GRIK3: variants seen among roughly 807,000 people sequenced by gnomAD.
GRIK3 encodes the protein glutamate ionotropic receptor kainate type subunit 3.
Under a neutral mutation model 102.5 loss-of-function variants are expected in GRIK3, and 29 were observed. That is an observed-to-expected ratio of 0.28 (90% CI 0.21 to 0.39). The LOEUF (loss-of-function observed/expected upper bound fraction) is 0.39, where lower values mean the gene tolerates loss of function less well. GRIK3 is among the 10% of genes least tolerant of loss of function. GRIK3 has a pLI of 1.00. For synonymous variants in GRIK3, 511 were observed against 504.9 expected, an observed-to-expected ratio of 1.01 and a Z score of -0.16; for missense variants, 908 against 1,252.4, an observed-to-expected ratio of 0.73 and a Z score of 4.15.
chr1:36,845,969 T>C (rs1640515182), intron 9 of GRIK3, among the ~76,000 whole-genome samples: 1 of 152,206 alleles, frequency 6.6e-6, no homozygotes, highest in Admixed American at 6.5e-5. Context: ...AGTATCCAGA[T>C]ACCCGTGTGT....
intron 8 of GRIK3, among the ~76,000 whole-genome samples, 185 bp downstream of exon 8, chr1:36,853,430 A>G (rs1190504719): frequency 6.6e-6 from 1 of 152,086 alleles, no homozygotes; most frequent in Non-Finnish European, 1.5e-5. Flanking sequence ...CTCCAGTCCA[A>G]CCAGGCCTTC....
At chr1:36,817,887 A>G (rs182208669) in intron 12 of GRIK3, among the ~76,000 whole-genome samples, 187 of 152,328 alleles carry the variant, frequency 1.2e-3, no homozygotes, top group Non-Finnish European at 1.9e-3. Flanking sequence ...CAAATACAAG[A>G]TTGCTATGCA....
rs781068542 is a variant in GRIK3 at position 36,853,611 on chromosome 1, G to C, written c.1212+4C>G. ...CCTGCCCTCCCTCTCCTGAGACCACGCACCTTCTCCAGGCCATCCTCTTTC... is the reference window on the plus strand; with the variant it reads ...CCTGCCCTCCCTCTCCTGAGACCACCCACCTTCTCCAGGCCATCCTCTTTC... On this transcript the variant is annotated splice_donor_region_variant and intron_variant, in intron 8 of 15. Transcript: ENST00000373091. 2 of 1,593,520 alleles carry C rather than the reference G, an allele frequency of 1.3e-6. No individual in the cohort carries two copies. The highest frequency in any genetic ancestry group is 1.1e-5 in the South Asian group (1 of 90,696).
chr1:36,964,988 C>A (rs1272645260), intron 1 of GRIK3, among the ~76,000 whole-genome samples: 2 of 152,196 alleles, frequency 1.3e-5, no homozygotes, highest in Non-Finnish European at 2.9e-5. Flanking sequence ...GTTTGTTGAT[C>A]CTCTTAAGGT....
At chr1:36,950,903 C>T (rs536198760) in intron 1 of GRIK3, among the ~76,000 whole-genome samples, 7 of 152,156 alleles carry the variant, frequency 4.6e-5, no homozygotes, top group East Asian at 1.9e-4. Flanking sequence ...CAACGGGGAG[C>T]GGAGGGTCTG....
At chr1:37,020,756 T>C (rs1642701834) in intron 1 of GRIK3, among the ~76,000 whole-genome samples, 1 of 135,704 alleles carries the variant, frequency 7.4e-6, no homozygotes, top group Admixed American at 7.2e-5. Flanking sequence ...AGGAATAGCA[T>C]TTGAAAAAAA....
In GRIK3 at chr1:36,801,969, T is replaced by C; in HGVS notation, c.2642A>G (p.Gln881Arg). ...TCQRRVKHKP[Q>R]PPMMVKTDAV... is the part of the protein sequence containing the mutation. ...GTCAGTCTTGACCATCATGGGAGGCTGAGGCTTGTGCTTGACTCGACGCTG... is the reference window on the plus strand; with the variant it reads ...GTCAGTCTTGACCATCATGGGAGGCCGAGGCTTGTGCTTGACTCGACGCTG... Residue 881 changes from glutamine to arginine, a missense_variant, in exon 16 of 16, where the codon CAG becomes CGG. Physicochemically the swap from Gln to Arg is conservative, Grantham distance 43. Transcript: ENST00000373091. The C allele has an allele frequency of 6.2e-7, 1 of 1,613,996 alleles. No homozygotes were observed. Among genetic ancestry groups the C allele is most frequent in the Non-Finnish European group, 8.5e-7 (1 of 1,179,938 alleles).
In GRIK3 at chr1:36,959,039, G is replaced by C. The variant is rs1265236301; in HGVS notation, c.116-67943C>G. ...TGTGCCCCATGAGCCTGTGTGCCCT[G>C]TGAGTCTGTGTGCCCTGTGAGCCTG... On this transcript the variant is annotated intron_variant, in intron 1 of 15. Transcript: ENST00000373091. Among the ~76,000 whole-genome samples, 62 of 57,952 alleles carry C rather than the reference G, an allele frequency of 1.1e-3. 4 individuals carry two copies. The highest frequency in any genetic ancestry group is 9.1e-4 in the Non-Finnish European group (20 of 22,042). 38.0% of individuals were successfully genotyped at this position (57,952 alleles called of 152,430 possible). A position where few individuals can be genotyped will look rare whatever the true frequency, so the allele number is the denominator to read the frequency against.
intron 1 of GRIK3, among the ~76,000 whole-genome samples, chr1:36,968,219 CCGTGT>C (rs1642100420): frequency 7.9e-6 from 1 of 127,382 alleles, no homozygotes; most frequent in African/African-American, 3.2e-5. Context: ...CTCTCTCTCT[CCGTGT>C]GTGTGTGTGT....
chr1:36,976,921 C>G (rs997321208), intron 1 of GRIK3, among the ~76,000 whole-genome samples: 2 of 152,142 alleles, frequency 1.3e-5, no homozygotes, highest in African/African-American at 4.8e-5. Context: ...GATGAGAGTC[C>G]CTCATTTCTC....
At position 36,818,160 on chromosome 1, in the gene GRIK3, C is replaced by A. The variant is rs1052056421; in HGVS notation, c.1874-883G>T. Among the ~76,000 whole-genome samples the A allele has an allele frequency of 2.0e-5, 3 of 152,100 alleles. No homozygotes were observed. In the South Asian group the frequency reaches 6.2e-4, roughly 32 times the overall value. On this transcript the variant is annotated intron_variant, in intron 12 of 15. Coordinates refer to ENST00000373091, the MANE Select transcript of GRIK3 (RefSeq NM_000831.4). Reference sequence around the variant, plus strand: ...AGAAGTCACTCAAGGGAGAGTTTTTCAAATACATAACTATTTTTCTCCCTC... The same window carrying A: ...AGAAGTCACTCAAGGGAGAGTTTTTAAAATACATAACTATTTTTCTCCCTC...
chr1:36,971,031 C>CCT (rs1037044930), intron 1 of GRIK3, among the ~76,000 whole-genome samples: 2 of 152,196 alleles, frequency 1.3e-5, no homozygotes, highest in African/African-American at 4.8e-5. Flanking sequence ...GCAAAATTGG[C>CCT]CTCTCTCTGG....
intron 13 of GRIK3, among the ~76,000 whole-genome samples, chr1:36,809,384 C>T (rs531136182): frequency 3.3e-5 from 5 of 152,294 alleles, no homozygotes; most frequent in East Asian, 1.9e-4. Flanking sequence ...TCCATCCATC[C>T]GTCTGTTCTC....
chr1:36,879,245 G>A (rs1044220516), intron 3 of GRIK3, among the ~76,000 whole-genome samples: 11 of 152,164 alleles, frequency 7.2e-5, no homozygotes, highest in African/African-American at 2.2e-4. Flanking sequence ...TGTAATCCCA[G>A]CACTTTGGGA....
chr1:36,882,791 G>C (rs71638998), intron 2 of GRIK3, among the ~76,000 whole-genome samples: 1 of 152,202 alleles, frequency 6.6e-6, no homozygotes, highest in African/African-American at 2.4e-5. Flanking sequence ...TGTGAACATA[G>C]TCAGTGTGGG....
In GRIK3 at chr1:36,801,889, T is replaced by A. The variant is rs1192678968; in HGVS notation, c.2722A>T (p.Met908Leu). The change falls in exon 16 of 16, where the codon ATG becomes TTG. Residue 908 changes from methionine to leucine, a missense_variant. Met to Leu is a conservative substitution (Grantham distance 15). Transcript: ENST00000373091. Reference sequence around the variant, plus strand: ...GGGGCTAAGGATGTGCTGCAGGCCATGCTGTCCTTGCCGGGAAGCCGGCGG... The same window carrying A: ...GGGGCTAAGGATGTGCTGCAGGCCAAGCTGTCCTTGCCGGGAAGCCGGCGG... ...NDRRLPGKDS[M>L]ACSTSLAPVF... 2 of 1,612,800 alleles carry A rather than the reference T, an allele frequency of 1.2e-6. No individual in the cohort carries two copies. Among genetic ancestry groups the A allele is most frequent in the Non-Finnish European group, 1.7e-6 (2 of 1,179,292 alleles).
chr1:36,838,686 G>A (rs1280097122), intron 10 of GRIK3, among the ~76,000 whole-genome samples: 2 of 152,164 alleles, frequency 1.3e-5, no homozygotes. Context: ...GGCCCCGGGG[G>A]GTGGACACTT....
Position 36,850,772 on chromosome 1 carries a change from G to A in GRIK3, c.1213-348C>T, listed in dbSNP as rs1257545660. Among the ~76,000 whole-genome samples the A allele has an allele frequency of 6.6e-6, 1 of 152,228 alleles. No individual in the cohort carries two copies. Among genetic ancestry groups the A allele is most frequent in the Non-Finnish European group, 1.5e-5 (1 of 68,040 alleles). On this transcript the variant is annotated intron_variant, in intron 8 of 15. Transcript: ENST00000373091. The surrounding 1 kb of genome is among the most constrained non-coding windows in gnomAD (Gnocchi z 4.0). ...GAGCAGATGCCAATCAGGGGCTGGA[G>A]GGAATCAGGGGTCTATGGTCAGTGC...
chr1:36,869,851 C>A (rs769351423), intron 4 of GRIK3, 50 bp from the exon 5 acceptor site: 3 of 1,365,778 alleles, frequency 2.2e-6, no homozygotes, highest in Non-Finnish European at 3.1e-6. Context: ...CTGGGCAGCC[C>A]TCCCCACATC....
Sources: allele counts gnomAD v4.1 joint callset (sites outside exome capture counted in the v4.1 genomes callset), GRCh38; gene constraint gnomAD v4.1.1; non-coding constraint Gnocchi (gnomAD v3.1); transcripts MANE v1.5; gene names NCBI Gene and HGNC (gene_info 2026-07-23, HGNC 2026-07-21).